Variants in PREX1 observed in about 807,000 individuals in gnomAD.
The protein encoded by PREX1 is phosphatidylinositol-3,4,5-trisphosphate dependent Rac exchange factor 1.
Under a neutral mutation model 198.3 loss-of-function variants are expected in PREX1, and 41 were observed. The observed-to-expected ratio is 0.21, with a 90% CI of 0.16 to 0.27. The LOEUF is 0.27. Ranked by LOEUF, PREX1 falls within the 10% of genes least tolerant of loss-of-function variation. PREX1 has a pLI of 1.00. For synonymous variants in PREX1, 843 were observed against 887.2 expected (o/e 0.95, Z 0.89); for missense variants, 1,620 against 2,200.7 (o/e 0.74, Z 5.28).
At chr20:48,785,814 A>T (rs1053469625) in intron 1 of PREX1, among the ~76,000 whole-genome samples, 72 of 152,282 alleles carry the variant, frequency 4.7e-4, no homozygotes, top group East Asian at 7.7e-4. Context: ...AATGTCCCCA[A>T]ATTCATTCCA....
rs2089258045 is a variant in PREX1 at position 48,624,886 on chromosome 20, T to TGG, written c.*998_*999insCC. 6.6e-6 allele frequency: 1 copy of TGG among 152,274 alleles called. No homozygotes were observed. The highest frequency in any genetic ancestry group is 1.5e-5 in the Non-Finnish European group (1 of 68,070). 9.4% of individuals were successfully genotyped at this position (152,274 alleles called of 1,614,324 possible). A position where few individuals can be genotyped will look rare whatever the true frequency, so the allele number is the denominator to read the frequency against. The stretch of plus-strand genomic sequence containing the variant: ...TGGCTGGCCACCTCTCAGGCCCTTG[T>TGG]AGCCAGTCACTCAAAGAGAGCGAGT... On this transcript the variant is annotated 3_prime_UTR_variant, in exon 40 of 40. Coordinates refer to ENST00000371941, the MANE Select transcript of PREX1 (RefSeq NM_020820.4).
intron 9 of PREX1, 101 bp from the exon 10 acceptor site, chr20:48,688,905 G>GCCACCTGCCCCA: frequency 7.1e-7 from 1 of 1,410,590 alleles, no homozygotes; most frequent in African/African-American, 1.4e-5. Flanking sequence ...AAGCTGGCCT[G>GCCACCTGCCCCA]CCACCTGCCC....
In PREX1 at chr20:48,644,473, C is replaced by G. The variant is rs751549554; in HGVS notation, c.3537G>C (p.Ser1179=). The part of the protein sequence containing the change: ...SYSECNSNRD[S]VLSYTSVRSN... ...TTCTCACGCTGGTGTAGGACAGGACCGAGTCTCGATTGCTGTTACACTCGC... is the reference window on the plus strand; with the variant it reads ...TTCTCACGCTGGTGTAGGACAGGACGGAGTCTCGATTGCTGTTACACTCGC... Residue 1179 remains serine, a synonymous_variant, in exon 27 of 40, where the codon TCG becomes TCC. Coordinates refer to ENST00000371941, the MANE Select transcript of PREX1 (RefSeq NM_020820.4). 1.2e-6 allele frequency: 2 copies of G among 1,613,828 alleles called. No homozygotes were observed. The highest frequency in any genetic ancestry group is 1.7e-6 in the Non-Finnish European group (2 of 1,179,852).
At chr20:48,692,934 TG>T in intron 7 of PREX1, 144 bp from the exon 8 acceptor site, 1 of 685,122 alleles carries the variant, frequency 1.5e-6, no homozygotes, top group East Asian at 2.5e-5. Context: ...CAGGAGTGTT[TG>T]GCTGGTGCTG....
upstream of PREX1, among the ~76,000 whole-genome samples, chr20:48,830,495 G>T (rs60412175): frequency 0.029 from 4,365 of 152,250 alleles, 218 homozygotes; most frequent in African/African-American, 0.1. Context: ...ACAAATGTTA[G>T]TTCCCTTCTC....
the PREX1 span, among the ~76,000 whole-genome samples, chr20:48,860,613 G>T: frequency 6.6e-6 from 1 of 152,148 alleles, no homozygotes; most frequent in Non-Finnish European, 1.5e-5. Context: ...CCCCGAGGCG[G>T]GTGGATCATG....
the PREX1 span, among the ~76,000 whole-genome samples, chr20:48,864,796 G>A: frequency 6.6e-6 from 1 of 152,194 alleles, no homozygotes; most frequent in Non-Finnish European, 1.5e-5. Flanking sequence ...TGTTCTTCGT[G>A]GGTTCTTCCA....
intron 5 of PREX1, among the ~76,000 whole-genome samples, chr20:48,716,668 C>T (rs2089963890): frequency 6.6e-6 from 1 of 152,232 alleles, no homozygotes; most frequent in Non-Finnish European, 1.5e-5. Context: ...CCCCAGCCAG[C>T]TCCCAGTGTG....
intron 29 of PREX1, among the ~76,000 whole-genome samples, chr20:48,641,941 G>GGGGAA (rs2089416733): frequency 6.7e-6 from 1 of 149,340 alleles, no homozygotes; most frequent in Non-Finnish European, 1.5e-5. Flanking sequence ...GGGGAGGGGA[G>GGGGAA]GGGAAGGGGA....
chr20:48,642,579 A>G, intron 27 of PREX1, 90 bp from the exon 28 acceptor site: 1 of 1,184,976 alleles, frequency 8.4e-7, no homozygotes, highest in Non-Finnish European at 1.2e-6. Flanking sequence ...ATACAGCTAC[A>G]GAACTCCAAA....
intron 7 of PREX1, among the ~76,000 whole-genome samples, chr20:48,694,814 G>A (rs1326911065): frequency 1.3e-5 from 2 of 152,176 alleles, no homozygotes; most frequent in Admixed American, 6.5e-5. Context: ...TGGGAGCCAC[G>A]GAGGGTTGGA....
chr20:48,876,521 T>C, the PREX1 span, among the ~76,000 whole-genome samples: 1 of 152,108 alleles, frequency 6.6e-6, no homozygotes, highest in South Asian at 2.1e-4. Flanking sequence ...GGATGGGTGG[T>C]GGTTGAGGGC....
chr20:48,801,307 C>T (rs1344155324), intron 1 of PREX1, among the ~76,000 whole-genome samples: 1 of 152,208 alleles, frequency 6.6e-6, no homozygotes, highest in Non-Finnish European at 1.5e-5. Context: ...ATCGGTGACA[C>T]TGAAGGTCTA....
chr20:48,880,221 T>C, the PREX1 span, among the ~76,000 whole-genome samples: 2 of 152,354 alleles, frequency 1.3e-5, no homozygotes, highest in Admixed American at 6.5e-5. Context: ...GGACTCAAAG[T>C]GGTTTATACA....
intron 10 of PREX1, among the ~76,000 whole-genome samples, chr20:48,686,369 T>C (rs1384183162): frequency 6.6e-6 from 1 of 152,224 alleles, no homozygotes; most frequent in Admixed American, 6.5e-5. Flanking sequence ...AATAATCTCC[T>C]GCAGAAAGGC....
chr20:48,737,579 C>T (rs976537711), intron 3 of PREX1, among the ~76,000 whole-genome samples: 60 of 152,132 alleles, frequency 3.9e-4, no homozygotes, highest in African/African-American at 1.4e-3. Flanking sequence ...TGCTTCTTCC[C>T]AGGCTGGTCC....
At chr20:48,641,846 GGA>G (rs1568796591) in intron 29 of PREX1, among the ~76,000 whole-genome samples, 219 of 17,708 alleles carry the variant, frequency 0.012, no homozygotes, top group Middle Eastern at 0.056. Flanking sequence ...GAGAGAGGAA[GGA>G]AGGAAGGAAG....
At chr20:48,839,008 A>G in the PREX1 span, among the ~76,000 whole-genome samples, 1 of 151,226 alleles carries the variant, frequency 6.6e-6, no homozygotes, top group African/African-American at 2.4e-5. Context: ...AAAAAAAAAA[A>G]AAAAAAAAAA....
At chr20:48,658,850 A>G (rs1338997215) in intron 16 of PREX1, among the ~76,000 whole-genome samples, 2 of 152,104 alleles carry the variant, frequency 1.3e-5, no homozygotes, top group African/African-American at 4.8e-5. Flanking sequence ...AAAACTTCAT[A>G]AAGAGTGGAG....
Sources: gnomAD v4.1 joint callset for allele counts (sites outside exome capture counted in the v4.1 genomes callset) on GRCh38, gnomAD v4.1.1 for gene constraint, MANE v1.5 for transcripts, NCBI Gene and HGNC (gene_info 2026-07-23, HGNC 2026-07-21) for gene names.